The following LAMB4 variants were observed in gnomAD, a reference collection of about 807,000 sequenced individuals.
LAMB4 encodes the protein laminin subunit beta-4.
Under a neutral mutation model 199.2 loss-of-function variants are expected in LAMB4, and 196 were observed. The ratio of observed to expected loss-of-function variants is 0.98; its 90% CI spans 0.88 to 1.11. The LOEUF is 1.11. LAMB4 is among the 50% of genes least tolerant of loss of function. The pLI, the probability that LAMB4 is intolerant of heterozygous loss-of-function variation, is 0.00. For missense variants in LAMB4, 2,080 were observed against 2,171.2 expected (o/e 0.96, Z 0.83); for synonymous variants, 744 against 770.6 (o/e 0.97, Z 0.57).
At chr7:108,123,043 G>T (rs2038654019) in intron 2 of LAMB4, 88 bp downstream of exon 2, 12 of 1,185,320 alleles carry the variant, frequency 1.0e-5, no homozygotes, top group Non-Finnish European at 1.5e-5. Flanking sequence ...CACTATAGAA[G>T]ACAGAAGTGA....
chr7:108,045,180 A>G (rs1232753087), intron 28 of LAMB4, among the ~76,000 whole-genome samples: 2 of 152,176 alleles, frequency 1.3e-5, no homozygotes, highest in Non-Finnish European at 2.9e-5. Context: ...TCTTAGCTTT[A>G]AAATGGATAG....
chr7:108,031,357 G>GA (rs2035030071), intron 31 of LAMB4, among the ~76,000 whole-genome samples: 1 of 68,742 alleles, frequency 1.5e-5, no homozygotes, highest in African/African-American at 5.9e-5. Flanking sequence ...AGAAAAAAAA[G>GA]AAAAAGGAAA....
In LAMB4 at chr7:108,065,772, T is replaced by C; in HGVS notation, c.2826A>G (p.Gln942=). 6.2e-7 allele frequency: 1 copy of C among 1,614,060 alleles called. No homozygotes were observed. The highest frequency in any genetic ancestry group is 8.5e-7 in the Non-Finnish European group (1 of 1,179,934). The change falls in exon 21 of 34, where the codon CAA becomes CAG. Residue 942 remains glutamine (Q), a synonymous_variant. Transcript: ENST00000388781. ...WSSDVICNCL[Q]GYTGTQCGEC... is the part of the protein sequence containing the mutation. ...CACTATACTGCATACCCGTATAACC[T>C]TGAAGACAATTGCAGATTACATCTG... is the stretch of plus-strand genomic sequence containing the variant.
chr7:108,015,635 T>C, the LAMB4 span, among the ~76,000 whole-genome samples: 2 of 152,182 alleles, frequency 1.3e-5, no homozygotes, highest in African/African-American at 4.8e-5. Context: ...ATCAAATAAA[T>C]TGTTTTGAAT....
chr7:108,059,184 C>T (rs1324537150), intron 23 of LAMB4, among the ~76,000 whole-genome samples: 2 of 144,632 alleles, frequency 1.4e-5, no homozygotes, highest in Non-Finnish European at 3.0e-5. Context: ...CCACTCACTA[C>T]GAGCTCCACC....
rs574853500 is a variant in LAMB4 at position 108,078,993 on chromosome 7, C to G, written c.1887+608G>C. ...GGAGCCTCTAAGACCACACCCCCCT[C>G]CAGCCATATCAAACATGTTTCAAAG... On this transcript the variant is annotated intron_variant, in intron 15 of 33. Transcript: ENST00000388781. Among the ~76,000 whole-genome samples the G allele has an allele frequency of 2.0e-5, 3 of 152,340 alleles. No homozygotes were observed. In the South Asian group the frequency reaches 6.2e-4, roughly 32 times the overall value.
chr7:108,032,734 G>A (rs754687129), intron 31 of LAMB4, among the ~76,000 whole-genome samples: 29 of 151,330 alleles, frequency 1.9e-4, no homozygotes, highest in Non-Finnish European at 3.4e-4. Context: ...GTGTGACAGA[G>A]AGATTTTAAC....
intron 1 of LAMB4, 34 bp from the exon 2 acceptor site, chr7:108,123,231 T>TA: frequency 7.7e-7 from 1 of 1,305,826 alleles, no homozygotes. Context: ...CAATCACTGA[T>TA]AGAAGAAATA....
At chr7:108,091,150 C>T (rs2037386900) in intron 14 of LAMB4, among the ~76,000 whole-genome samples, 1 of 151,840 alleles carries the variant, frequency 6.6e-6, no homozygotes, top group South Asian at 2.1e-4. Context: ...TCTTGAGAAC[C>T]TTCTATACTT....
In LAMB4 at chr7:108,057,074, T is replaced by C. The variant is rs1190081555; in HGVS notation, c.3379+758A>G. 2.0e-5 allele frequency among the ~76,000 whole-genome samples: 3 copies of C among 152,042 alleles called. No individual in the cohort carries two copies. The East Asian group carries it at 5.8e-4, about 29-fold the overall frequency. ...TAGGGCTCTTCAGCTAGTTCATCTG[T>C]CCAGCACATTGGCCTTGGTCCAGAG... On this transcript the variant is annotated intron_variant, in intron 24 of 33. Coordinates refer to ENST00000388781, the MANE Select transcript of LAMB4 (RefSeq NM_007356.3).
intron 17 of LAMB4, among the ~76,000 whole-genome samples, chr7:108,072,726 G>C (rs1296826442): frequency 6.6e-6 from 1 of 152,110 alleles, no homozygotes; most frequent in Non-Finnish European, 1.5e-5. Flanking sequence ...TTACACCTAT[G>C]CCTACCACAG....
At chr7:108,081,529 G>A (rs1413896494) in intron 14 of LAMB4, among the ~76,000 whole-genome samples, 1 of 152,110 alleles carries the variant, frequency 6.6e-6, no homozygotes, top group African/African-American at 2.4e-5. Flanking sequence ...TAAATCACTT[G>A]CAGTTGAATC....
intron 8 of LAMB4, among the ~76,000 whole-genome samples, chr7:108,105,351 C>A (rs919646610): frequency 2.0e-5 from 3 of 152,166 alleles, no homozygotes; most frequent in Admixed American, 6.5e-5. Context: ...AACACCTTAG[C>A]ATTGACTACA....
chr7:108,087,516 C>T (rs574298828), intron 14 of LAMB4, among the ~76,000 whole-genome samples: 51 of 152,328 alleles, frequency 3.3e-4, no homozygotes, highest in Non-Finnish European at 6.6e-4. Context: ...CTCTGACTTT[C>T]GTGAATAACA....
In LAMB4 at chr7:108,116,628, A is replaced by G. The variant is rs555450292; in HGVS notation, c.35-467T>C. Among the ~76,000 whole-genome samples, 7 of 152,336 alleles carry G rather than the reference A, an allele frequency of 4.6e-5. No homozygotes were observed. In the South Asian group the frequency reaches 8.3e-4, roughly 18 times the overall value. Reference sequence around the variant, plus strand: ...ATCTAGCATTTCCCAAATTTATTTCACCATGGAAGGCATTTTTTATTCAAA... The same window carrying G: ...ATCTAGCATTTCCCAAATTTATTTCGCCATGGAAGGCATTTTTTATTCAAA... On this transcript the variant is annotated intron_variant, in intron 2 of 33. Transcript: ENST00000388781.
At chr7:108,073,797 C>T (rs1032133282) in intron 17 of LAMB4, among the ~76,000 whole-genome samples, 16 of 152,222 alleles carry the variant, frequency 1.1e-4, no homozygotes, top group Admixed American at 9.8e-4. Context: ...CCACAGTGCA[C>T]ACTGTAGTTG....
chr7:108,026,193 G>C (rs139314922), intron 33 of LAMB4, among the ~76,000 whole-genome samples: 1 of 152,134 alleles, frequency 6.6e-6, no homozygotes, highest in Non-Finnish European at 1.5e-5. Context: ...GCCTCAGTGG[G>C]TTCCCTTCAT....
intron 2 of LAMB4, among the ~76,000 whole-genome samples, chr7:108,120,881 A>C (rs2038575225): frequency 6.6e-6 from 1 of 152,188 alleles, no homozygotes; most frequent in Non-Finnish European, 1.5e-5. Flanking sequence ...TGTTTTTGTC[A>C]GAATTTTTTT....
At chr7:108,056,877 G>A (rs1165240799) in intron 24 of LAMB4, among the ~76,000 whole-genome samples, 1 of 151,810 alleles carries the variant, frequency 6.6e-6, no homozygotes, top group Non-Finnish European at 1.5e-5. Context: ...GGCTGAGGTG[G>A]GAGGATCACC....
Sources: gnomAD v4.1 joint callset for allele counts (sites outside exome capture counted in the v4.1 genomes callset) on GRCh38, gnomAD v4.1.1 for gene constraint, MANE v1.5 for transcripts, NCBI Gene and HGNC (gene_info 2026-07-23, HGNC 2026-07-21) for gene names.